SSX2IP: variants seen among roughly 807,000 people sequenced by gnomAD.
SSX2IP encodes the protein SSX family member 2 interacting protein.
SSX2IP carries 55 observed loss-of-function variants against 84.9 expected under a neutral mutation model. The ratio of observed to expected loss-of-function variants is 0.65; its 90% CI spans 0.52 to 0.81. The LOEUF (loss-of-function observed/expected upper bound fraction) is 0.81, where lower values mean the gene tolerates loss of function less well. SSX2IP is among the 30% of genes least tolerant of loss of function. The pLI, the probability that SSX2IP is intolerant of heterozygous loss-of-function variation, is 0.00. For missense variants in SSX2IP, 664 were observed against 705.2 expected (o/e 0.94, Z 0.66); for synonymous variants, 239 against 234.7 (o/e 1.02, Z -0.17).
intron 1 of SSX2IP, among the ~76,000 whole-genome samples, chr1:84,686,458 T>C (rs1182983614): frequency 1.3e-5 from 2 of 152,224 alleles, no homozygotes; most frequent in Non-Finnish European, 2.9e-5. Context: ...GGAGTAAAGT[T>C]AGTAAAACTG....
chr1:84,687,679 T>C (rs765878779), intron 1 of SSX2IP, among the ~76,000 whole-genome samples: 1 of 152,230 alleles, frequency 6.6e-6, no homozygotes, highest in Non-Finnish European at 1.5e-5. Context: ...TCAATACATT[T>C]TGGATCACTC....
chr1:84,655,404 G>C, intron 11 of SSX2IP: 1 of 1,275,286 alleles, frequency 7.8e-7, no homozygotes, highest in Admixed American at 2.4e-5. Context: ...GCAAGCTGTA[G>C]AGCGTATATA....
At chr1:84,671,961 G>A (rs1183181349) in intron 1 of SSX2IP, among the ~76,000 whole-genome samples, 4 of 152,228 alleles carry the variant, frequency 2.6e-5, no homozygotes, top group Admixed American at 2.0e-4. Flanking sequence ...ATGTGTTTAT[G>A]TTTCCATAGA....
At chr1:84,663,293 C>T (rs1423556630) in intron 6 of SSX2IP, among the ~76,000 whole-genome samples, 2 of 152,082 alleles carry the variant, frequency 1.3e-5, no homozygotes, top group African/African-American at 2.4e-5. Context: ...ACAGCCAGAC[C>T]GCTATAATGG....
chr1:84,663,563 G>A (rs1437124626), intron 6 of SSX2IP, among the ~76,000 whole-genome samples: 1 of 152,132 alleles, frequency 6.6e-6, no homozygotes, highest in Non-Finnish European at 1.5e-5. Flanking sequence ...ACCTCCAACA[G>A]CTCTGCTGCA....
chr1:84,653,333 G>A (rs1650588332), intron 11 of SSX2IP, among the ~76,000 whole-genome samples: 2 of 152,080 alleles, frequency 1.3e-5, no homozygotes, highest in South Asian at 4.1e-4. Flanking sequence ...ACCAGTACTG[G>A]TAGCCACCAC....
intron 12 of SSX2IP, among the ~76,000 whole-genome samples, chr1:84,651,262 G>A (rs1319127611): frequency 6.6e-6 from 1 of 151,992 alleles, no homozygotes; most frequent in Non-Finnish European, 1.5e-5. Flanking sequence ...AGGCTGCAGA[G>A]AGCCGAGATG....
intron 2 of SSX2IP, 23 bp downstream of exon 2, chr1:84,671,154 T>A: frequency 6.2e-7 from 1 of 1,604,432 alleles, no homozygotes; most frequent in Non-Finnish European, 8.5e-7. Context: ...TGCTTTTGTT[T>A]ACAATTATTT....
At chr1:84,666,002 T>C in intron 5 of SSX2IP, 120 bp downstream of exon 5, 1 of 731,468 alleles carries the variant, frequency 1.4e-6, no homozygotes, top group Non-Finnish European at 2.2e-6. Context: ...CATATCAATT[T>C]GGGGAAAGAT....
Position 84,666,160 on chromosome 1 carries a change from T to C in SSX2IP, c.499A>G (p.Arg167Gly). 6.2e-7 allele frequency: 1 copy of C among 1,612,744 alleles called. No individual in the cohort carries two copies. Among genetic ancestry groups the C allele is most frequent in the Non-Finnish European group, 8.5e-7 (1 of 1,179,314 alleles). Reference sequence around the variant, plus strand: ...TTCTTTAGTAGCTGATGCAAATTCCTGTTCTTACATTGTAACTGTCTGTCT... The same window carrying C: ...TTCTTTAGTAGCTGATGCAAATTCCCGTTCTTACATTGTAACTGTCTGTCT... Reference protein sequence around the residue: ...ERDRQLQCKNRNLHQLLKNEK... With the variant: ...ERDRQLQCKNGNLHQLLKNEK... The change falls in exon 5 of 14, where the codon AGG becomes GGG. Residue 167 changes from arginine to glycine, a missense_variant. Physicochemically the swap from Arg to Gly is moderately radical, Grantham distance 125 (BLOSUM62 -2). Transcript: ENST00000342203.
At chr1:84,682,780 T>C (rs185228443) in intron 1 of SSX2IP, among the ~76,000 whole-genome samples, 1 of 152,176 alleles carries the variant, frequency 6.6e-6, no homozygotes, top group African/African-American at 2.4e-5. Flanking sequence ...GGATTACAGG[T>C]GTGAGCCATC....
At chr1:84,666,013 G>GAAT in intron 5 of SSX2IP, 109 bp downstream of exon 5, 1 of 796,264 alleles carries the variant, frequency 1.3e-6, no homozygotes, top group African/African-American at 1.8e-5. Context: ...GGGGAAAGAT[G>GAAT]AATAAATGGT....
At chr1:84,680,684 G>A (rs1338026250) in intron 1 of SSX2IP, among the ~76,000 whole-genome samples, 1 of 151,856 alleles carries the variant, frequency 6.6e-6, no homozygotes, top group Non-Finnish European at 1.5e-5. Flanking sequence ...GATATGTACA[G>A]GCATAAATTC....
At chr1:84,647,751 G>GT in intron 13 of SSX2IP, 144 bp from the exon 14 acceptor site, 164 of 373,230 alleles carry the variant, frequency 4.4e-4, no homozygotes, top group Admixed American at 5.9e-4. Context: ...AATTTTACTT[G>GT]GAAAAAAAAA....
chr1:84,687,393 T>C (rs56681543), intron 1 of SSX2IP, among the ~76,000 whole-genome samples: 15,858 of 152,244 alleles, frequency 0.1, 1,053 homozygotes, highest in African/African-American at 0.18. Context: ...GAATCCTACA[T>C]TGCTAGAGTC....
chr1:84,671,456 T>C (rs559010275), intron 1 of SSX2IP, 148 bp from the exon 2 acceptor site: 1 of 479,362 alleles, frequency 2.1e-6, no homozygotes, highest in Non-Finnish European at 3.3e-6. Context: ...ACATGGTGTG[T>C]GTATATACAT....
intron 1 of SSX2IP, chr1:84,690,105 G>A (rs1389212415): frequency 6.6e-6 from 1 of 152,204 alleles, no homozygotes; most frequent in Non-Finnish European, 1.5e-5. Context: ...CGCTCCGCAG[G>A]CGCAGCTCCG....
Position 84,679,573 on chromosome 1 carries a change from A to T in SSX2IP, c.-89-8265T>A, listed in dbSNP as rs112371038. Among the ~76,000 whole-genome samples, 645 of 152,342 alleles carry T rather than the reference A, an allele frequency of 4.2e-3. 5 individuals are homozygous for T. Among genetic ancestry groups the T allele is most frequent in the African/African-American group, 0.014 (588 of 41,580 alleles). Reference sequence around the variant, plus strand: ...GCCAGCCTCAGAGGCCCGGGTCAACAGACTGATTCATATCTTGACGAAGAC... The same window carrying T: ...GCCAGCCTCAGAGGCCCGGGTCAACTGACTGATTCATATCTTGACGAAGAC... On this transcript the variant is annotated intron_variant, in intron 1 of 13. Coordinates refer to ENST00000342203, the MANE Select transcript of SSX2IP (RefSeq NM_001166293.2).
intron 1 of SSX2IP, among the ~76,000 whole-genome samples, chr1:84,685,383 A>G (rs1287920711): frequency 6.6e-6 from 1 of 152,252 alleles, no homozygotes; most frequent in Non-Finnish European, 1.5e-5. Context: ...TAACTCCTGT[A>G]CTAGCTAATT....
Sources: gnomAD v4.1 joint callset for allele counts (sites outside exome capture counted in the v4.1 genomes callset) on GRCh38, gnomAD v4.1.1 for gene constraint, MANE v1.5 for transcripts, NCBI Gene and HGNC (gene_info 2026-07-23, HGNC 2026-07-21) for gene names.